SDCBP2: variants seen among roughly 807,000 people sequenced by gnomAD.
The protein encoded by SDCBP2 is syntenin-2.
A neutral mutation model predicts 30.7 loss-of-function variants in SDCBP2; 28 were observed. The ratio of observed to expected loss-of-function variants is 0.91; its 90% CI spans 0.68 to 1.25. SDCBP2 has a LOEUF of 1.25. Ranked by LOEUF, SDCBP2 falls within the 50% of genes most tolerant of loss-of-function variation. The pLI is 0.00. For missense variants in SDCBP2, 399 were observed against 379.0 expected, an observed-to-expected ratio of 1.05 and a Z score of -0.44; for synonymous variants, 166 against 157.3, an observed-to-expected ratio of 1.06 and a Z score of -0.41.
chr20:1,319,361 A>G, intron 3 of SDCBP2: 1 of 544,316 alleles, frequency 1.8e-6, no homozygotes, highest in Non-Finnish European at 3.3e-6. Context: ...CAGGCAGTCA[A>G]GGAGGGAGGG....
At chr20:1,312,537 G>C (rs1425958696) in intron 6 of SDCBP2, 29 bp from the exon 7 acceptor site, 1 of 1,614,048 alleles carries the variant, frequency 6.2e-7, no homozygotes, top group South Asian at 1.1e-5. Context: ...AGCTGTCCTG[G>C]GGACATGGCT....
chr20:1,325,712 G>T (rs2088914556), intron 1 of SDCBP2: 1 of 152,084 alleles, frequency 6.6e-6, no homozygotes. Context: ...GAAGGGAGGA[G>T]AACCAGGTCG....
chr20:1,310,972 G>A (rs139629982), intron 7 of SDCBP2, 81 bp from the exon 8 acceptor site: 4 of 1,002,658 alleles, frequency 4.0e-6, no homozygotes, highest in Middle Eastern at 2.1e-4. Context: ...GGAGGGATCA[G>A]CATGGCCACT....
Position 1,312,460 on chromosome 20 carries a change from G to C in SDCBP2, c.609C>G (p.Val203=). ...TCTTCCCCTTCTTGATCACGAAGCC[G>C]ACGTGGCCCATGCTGTCCTTGTGCA... ...VTMHKDSMGH[V]GFVIKKGKIV... is the part of the protein sequence containing the mutation. Residue 203 remains valine, a synonymous_variant, in exon 7 of 9, where the codon GTC becomes GTG. Transcript: ENST00000360779. 3 of 1,614,156 alleles carry C rather than the reference G, an allele frequency of 1.9e-6. No homozygotes were observed. Among genetic ancestry groups the C allele is most frequent in the Non-Finnish European group, 2.5e-6 (3 of 1,180,022 alleles).
chr20:1,319,234 T>C (rs2122527127), intron 3 of SDCBP2, among the ~76,000 whole-genome samples: 1 of 152,304 alleles, frequency 6.6e-6, no homozygotes, highest in South Asian at 2.1e-4. Context: ...AAATCGTTTA[T>C]ATAGACAGAG....
chr20:1,325,488 G>A (rs1219520689), intron 1 of SDCBP2: 1 of 152,188 alleles, frequency 6.6e-6, no homozygotes, highest in Non-Finnish European at 1.5e-5. Flanking sequence ...TGCTTTCTCC[G>A]GGCGCCCGTA....
At chr20:1,315,245 G>A (rs6074425) in intron 4 of SDCBP2, among the ~76,000 whole-genome samples, 19,187 of 152,204 alleles carry the variant, frequency 0.13, 1,624 homozygotes, top group Non-Finnish European at 0.19. Flanking sequence ...AACAAATGGT[G>A]TTGGCTGGGC....
intron 8 of SDCBP2, 80 bp from the exon 9 acceptor site, chr20:1,310,575 GT>G: frequency 7.2e-7 from 1 of 1,386,980 alleles, no homozygotes; most frequent in South Asian, 1.3e-5. Flanking sequence ...TTCCGAGCCA[GT>G]GCATCCCATG....
chr20:1,313,170 G>T lies in SDCBP2; in HGVS notation c.384+170C>A. The T allele has an allele frequency of 2.7e-6, 2 of 734,132 alleles. No individual in the cohort carries two copies. Among genetic ancestry groups the T allele is most frequent in the Non-Finnish European group, 4.5e-6 (2 of 445,428 alleles). 45.5% of individuals were successfully genotyped at this position (734,132 alleles called of 1,614,324 possible). A position where few individuals can be genotyped will look rare whatever the true frequency, so the allele number is the denominator to read the frequency against. On this transcript the variant is annotated intron_variant, in intron 5 of 8. Transcript: ENST00000360779. This position sits in a 1 kb window ranked among gnomAD's most constrained non-coding sequence, Gnocchi z 5.2. ...GAGGGCCCTGCGCAACCCAGCACCA[G>T]CCCCGCCCGGGTCTCGGGGAGGAGG...
chr20:1,318,313 C>A lies in SDCBP2; in HGVS notation c.225+5G>T. ...GCCCGCAGCAGGCAGAAGCCAAATACATACACTGTCACCCTCTGGAATCTG... is the reference window on the plus strand; with the variant it reads ...GCCCGCAGCAGGCAGAAGCCAAATAAATACACTGTCACCCTCTGGAATCTG... On this transcript the variant is annotated splice_donor_5th_base_variant and intron_variant, in intron 4 of 8. Coordinates refer to ENST00000360779, the MANE Select transcript of SDCBP2 (RefSeq NM_080489.5). The A allele has an allele frequency of 3.1e-6, 5 of 1,605,366 alleles. No individual in the cohort carries two copies. The highest frequency in any genetic ancestry group is 4.3e-6 in the Non-Finnish European group (5 of 1,171,982).
intron 7 of SDCBP2, 89 bp downstream of exon 7, chr20:1,312,248 C>T (rs540981822): frequency 1.5e-6 from 2 of 1,326,884 alleles, no homozygotes; most frequent in Non-Finnish European, 2.1e-6. Context: ...GAAGAGGATG[C>T]TGAGGCTCAG....
intron 5 of SDCBP2, 116 bp from the exon 6 acceptor site, chr20:1,312,878 C>G (rs1001170333): frequency 1.7e-6 from 2 of 1,174,628 alleles, no homozygotes; most frequent in Non-Finnish European, 2.3e-6. Flanking sequence ...GCCAGGGACA[C>G]AGCTCTGCAT....
intron 7 of SDCBP2, among the ~76,000 whole-genome samples, chr20:1,311,998 C>A (rs1232456027): frequency 1.3e-5 from 2 of 151,086 alleles, no homozygotes; most frequent in Non-Finnish European, 2.9e-5. Context: ...CTCCCAGGCT[C>A]AATTAGTCCT....
intron 1 of SDCBP2, chr20:1,323,253 A>T (rs186978209): frequency 6.6e-6 from 1 of 152,152 alleles, no homozygotes; most frequent in Non-Finnish European, 1.5e-5. Context: ...CCCTTTGCTT[A>T]TAGCCTTCCC....
In SDCBP2 at chr20:1,319,575, T is replaced by C; in HGVS notation, c.124+15A>G. On this transcript the variant is annotated intron_variant, in intron 3 of 8. Coordinates refer to ENST00000360779, the MANE Select transcript of SDCBP2 (RefSeq NM_080489.5). ...GGACTTGGCACCCAGGAGCCCCTCA[T>C]CCCAGCCCACTCACCTGGTGGTGGG... 1 of 1,559,962 alleles carries C rather than the reference T, an allele frequency of 6.4e-7. No individual in the cohort carries two copies. Among genetic ancestry groups the C allele is most frequent in the South Asian group, 1.2e-5 (1 of 84,744 alleles).
rs966806875 is a variant in SDCBP2, at chr20:1,312,632, A to C, written c.515T>G (p.Val172Gly). 7 of 1,614,066 alleles carry C rather than the reference A, an allele frequency of 4.3e-6. No homozygotes were observed. Among genetic ancestry groups the C allele is most frequent in the Non-Finnish European group, 5.9e-6 (7 of 1,179,986 alleles). ...GWSSHKAHQVVKKASGDKIVV... is the reference protein window; with the variant it reads ...GWSSHKAHQVGKKASGDKIVV... ...AATCTTATCGCCTGATGCCTTCTTC[A>C]CCACCTGATGGGCTTTGTGCGAGCT... Residue 172 changes from valine to glycine, a missense_variant, in exon 6 of 9, where the codon GTG (valine) becomes GGG (glycine). Val to Gly is a moderately radical substitution (Grantham distance 109, BLOSUM62 -3). Coordinates refer to ENST00000360779, the MANE Select transcript of SDCBP2 (RefSeq NM_080489.5).
At position 1,310,359 on chromosome 20, in the gene SDCBP2, T is replaced by A. The variant is rs577532464; in HGVS notation, c.*82A>T. On this transcript the variant is annotated 3_prime_UTR_variant, in exon 9 of 9. Transcript: ENST00000360779. ...CCCCCACCTTAAGCAGCAGGCCGGCTGCAACCCATCATCCGAGGGTGGTTG... is the reference window on the plus strand; with the variant it reads ...CCCCCACCTTAAGCAGCAGGCCGGCAGCAACCCATCATCCGAGGGTGGTTG... 1 of 1,435,094 alleles carries A rather than the reference T, an allele frequency of 7.0e-7. No homozygotes were observed. Among genetic ancestry groups the A allele is most frequent in the Non-Finnish European group, 9.8e-7 (1 of 1,025,310 alleles). 88.9% of individuals were successfully genotyped at this position (1,435,094 alleles called of 1,614,324 possible).
At chr20:1,316,883 A>C (rs1476813773) in intron 4 of SDCBP2, among the ~76,000 whole-genome samples, 2 of 152,190 alleles carry the variant, frequency 1.3e-5, no homozygotes, top group African/African-American at 4.8e-5. Context: ...GTACATTCAC[A>C]TCATGGAATA....
chr20:1,324,656 T>C lies in SDCBP2; in HGVS notation c.-19-4221A>G, dbSNP rs1274564071. ...TCTGGAAATGCATATATCAGGTTGG[T>C]TGTGGGGAGTTACACTTTGCTCACC... On this transcript the variant is annotated intron_variant, in intron 1 of 8. Coordinates refer to ENST00000360779, the MANE Select transcript of SDCBP2 (RefSeq NM_080489.5). This position sits in a 1 kb window ranked among gnomAD's most constrained non-coding sequence, Gnocchi z 4.7. 6.6e-6 allele frequency among the ~76,000 whole-genome samples: 1 copy of C among 152,234 alleles called. No homozygotes were observed. The highest frequency in any genetic ancestry group is 1.9e-4 in the East Asian group (1 of 5,208).
Sources: gnomAD v4.1 joint callset for allele counts (sites outside exome capture counted in the v4.1 genomes callset) on GRCh38, gnomAD v4.1.1 for gene constraint, Gnocchi (gnomAD v3.1) non-coding constraint, MANE v1.5 for transcripts, NCBI Gene and HGNC (gene_info 2026-07-23, HGNC 2026-07-21) for gene names.